Variants in SPIRE1 observed in about 807,000 individuals in gnomAD.
SPIRE1 encodes the protein spire type actin nucleation factor 1, also known as protein spire homolog 1.
SPIRE1 carries 40 observed loss-of-function variants against 94.1 expected under a neutral mutation model. The ratio of observed to expected loss-of-function variants is 0.43; its 90% confidence interval spans 0.33 to 0.55. SPIRE1 has a LOEUF of 0.55. Ranked by LOEUF, SPIRE1 falls within the 20% of genes least tolerant of loss-of-function variation. The pLI, the probability that SPIRE1 is intolerant of heterozygous loss-of-function variation, is 0.06. For missense variants in SPIRE1, 838 were observed against 975.2 expected, an observed-to-expected ratio of 0.86 and a Z score of 1.87; for synonymous variants, 376 against 371.7, an observed-to-expected ratio of 1.01 and a Z score of -0.13.
Position 12,542,310 on chromosome 18 carries a change from T to C in SPIRE1, c.603+4364A>G, listed in dbSNP as rs541069285. On this transcript the variant is annotated intron_variant, in intron 3 of 16. Transcript: ENST00000409402. The stretch of plus-strand genomic sequence containing the variant: ...TTTACATTCTTTTTTTGGTACTAAG[T>C]GTTTGGAATCCAGTATAGATTTTGT... 1.1e-4 allele frequency among the ~76,000 whole-genome samples: 16 copies of C among 152,298 alleles called. No individual in the cohort carries two copies. In the East Asian group the frequency reaches 2.5e-3, roughly 24 times the overall value.
chr18:12,591,126 GCAGTTTTAAATAGCA>G (rs1209320366), intron 2 of SPIRE1, among the ~76,000 whole-genome samples: 1 of 152,176 alleles, frequency 6.6e-6, no homozygotes, highest in Non-Finnish European at 1.5e-5. Context: ...GTAGTAGTTT[GCAGTTTTAAATAGCA>G]CAGTTAGTTT....
At position 12,555,940 on chromosome 18, in the gene SPIRE1, G is replaced by A. The variant is rs576779358; in HGVS notation, c.373-9036C>T. On this transcript the variant is annotated intron_variant, in intron 2 of 16. Coordinates refer to ENST00000409402, the MANE Select transcript of SPIRE1 (RefSeq NM_001128626.2). ...AAAAACCTAAATCTGAACCCCTCCC[G>A]AAAATCTATTAGAATTGATAAATTC... Among the ~76,000 whole-genome samples the A allele has an allele frequency of 1.4e-4, 21 of 152,126 alleles. 1 individual carries two copies. Among genetic ancestry groups the A allele is most frequent in the South Asian group, 1.0e-3 (5 of 4,816 alleles).
intron 1 of SPIRE1, among the ~76,000 whole-genome samples, chr18:12,635,367 T>C (rs1311812199): frequency 6.6e-6 from 1 of 152,180 alleles, no homozygotes; most frequent in African/African-American, 2.4e-5. Flanking sequence ...TTAATACAGA[T>C]ATATAAATCA....
intron 2 of SPIRE1, among the ~76,000 whole-genome samples, chr18:12,621,119 A>G (rs1439109526): frequency 6.6e-6 from 1 of 152,180 alleles, no homozygotes; most frequent in African/African-American, 2.4e-5. Flanking sequence ...CAACAACCAC[A>G]TGAAAATAGG....
At position 12,507,123 on chromosome 18, in the gene SPIRE1, C is replaced by T. The variant is rs148216468; in HGVS notation, c.808-482G>A. Among the ~76,000 whole-genome samples, 295 of 152,212 alleles carry T rather than the reference C, an allele frequency of 1.9e-3. 1 individual carries two copies. The highest frequency in any genetic ancestry group is 6.8e-3 in the African/African-American group (283 of 41,512). ...TCAAGCCTGGGTTAGCCTGTGGTCC[C>T]GGGATAAAGATGAGATACCTGTAAA... On this transcript the variant is annotated intron_variant, in intron 5 of 16. Coordinates refer to ENST00000409402, the MANE Select transcript of SPIRE1 (RefSeq NM_001128626.2).
intron 2 of SPIRE1, among the ~76,000 whole-genome samples, chr18:12,602,398 T>A (rs1012594579): frequency 1.3e-5 from 2 of 152,162 alleles, no homozygotes; most frequent in African/African-American, 4.8e-5. Flanking sequence ...TAATTTTTAT[T>A]CTATCAATTC....
intron 2 of SPIRE1, among the ~76,000 whole-genome samples, chr18:12,575,358 T>G (rs2036067848): frequency 6.6e-6 from 1 of 152,144 alleles, no homozygotes; most frequent in African/African-American, 2.4e-5. Flanking sequence ...AATCTTCCCC[T>G]GAATATTTAT....
intron 1 of SPIRE1, among the ~76,000 whole-genome samples, chr18:12,638,504 T>C (rs1191727403): frequency 6.6e-6 from 1 of 152,146 alleles, no homozygotes. Context: ...AGGAGTCAAA[T>C]GAGTTGCACA....
Position 12,552,128 on chromosome 18 carries a change from C to T in SPIRE1, c.373-5224G>A, listed in dbSNP as rs141932104. Among the ~76,000 whole-genome samples the T allele has an allele frequency of 2.6e-3, 396 of 152,344 alleles. 2 individuals carry two copies. Among genetic ancestry groups the T allele is most frequent in the Middle Eastern group, 0.01 (3 of 294 alleles). ...GAGGAATCGCCTAAATGCCTATCCC[C>T]GTAGTGGGAACTTGAGTTCTGGCAA... On this transcript the variant is annotated intron_variant, in intron 2 of 16. Coordinates refer to ENST00000409402, the MANE Select transcript of SPIRE1 (RefSeq NM_001128626.2).
chr18:12,571,318 G>A (rs560268529), intron 2 of SPIRE1, among the ~76,000 whole-genome samples: 103 of 152,050 alleles, frequency 6.8e-4, no homozygotes, highest in Middle Eastern at 3.4e-3. Flanking sequence ...CAAGTGATCC[G>A]CCCACCTAAG....
rs549759215 is a variant in SPIRE1 at position 12,449,456 on chromosome 18, C to A, written c.*182G>T. On this transcript the variant is annotated 3_prime_UTR_variant, in exon 17 of 17. Coordinates refer to ENST00000409402, the MANE Select transcript of SPIRE1 (RefSeq NM_001128626.2). ...AAACGAGCAATTGGCGGACCTGTCA[C>A]GTTTCATCAATCGATACGAACACAG... 3 of 653,248 alleles carry A rather than the reference C, an allele frequency of 4.6e-6. No homozygotes were observed. The African/African-American group carries it at 5.5e-5, about 12-fold the overall frequency. The allele number at this position is 653,248 out of a possible 1,614,324, so 40.5% of individuals were successfully genotyped here. A position where few individuals can be genotyped will look rare whatever the true frequency, so the allele number is the denominator to read the frequency against.
intron 3 of SPIRE1, among the ~76,000 whole-genome samples, chr18:12,539,668 C>T (rs1405102874): frequency 6.6e-6 from 1 of 151,846 alleles, no homozygotes; most frequent in Middle Eastern, 3.2e-3. Flanking sequence ...GTGGCTCACA[C>T]CTGTAATCTC....
intron 2 of SPIRE1, among the ~76,000 whole-genome samples, chr18:12,555,901 GATCTT>G (rs1019707257): frequency 1.3e-5 from 2 of 152,154 alleles, no homozygotes; most frequent in Non-Finnish European, 2.9e-5. Context: ...CAGATGGTAT[GATCTT>G]ATATTTGGAA....
Position 12,579,185 on chromosome 18 carries a change from TTACACACACACACA to T in SPIRE1, c.373-32295_373-32282del, listed in dbSNP as rs754619121. The stretch of plus-strand genomic sequence containing the variant: ...GAATTTTCCACTGAGAGGAAAAAGT[TTACACACACACACA>T]TACACACACACACACACACACACAC... On this transcript the variant is annotated intron_variant, in intron 2 of 16. Transcript: ENST00000409402. 8.4e-3 allele frequency among the ~76,000 whole-genome samples: 885 copies of T among 105,716 alleles called. 5 individuals carry two copies. Among genetic ancestry groups the T allele is most frequent in the South Asian group, 0.025 (69 of 2,814 alleles). 69.4% of individuals were successfully genotyped at this position (105,716 alleles called of 152,430 possible).
At chr18:12,611,940 C>T (rs2037154125) in intron 2 of SPIRE1, among the ~76,000 whole-genome samples, 1 of 152,050 alleles carries the variant, frequency 6.6e-6, no homozygotes, top group Non-Finnish European at 1.5e-5. Context: ...TCCCAAAGTG[C>T]TGAGATTACA....
chr18:12,584,805 A>C (rs2036348018), intron 2 of SPIRE1, among the ~76,000 whole-genome samples: 1 of 151,882 alleles, frequency 6.6e-6, no homozygotes, highest in Admixed American at 6.6e-5. Context: ...TTTGAGAGGG[A>C]GTCTCGCCCT....
chr18:12,527,100 C>A (rs2034544930), intron 4 of SPIRE1, among the ~76,000 whole-genome samples: 1 of 152,146 alleles, frequency 6.6e-6, no homozygotes, highest in Admixed American at 6.5e-5. Context: ...ATTCACTAGG[C>A]TTTGTGATGT....
intron 2 of SPIRE1, among the ~76,000 whole-genome samples, chr18:12,633,110 C>T (rs1158972728): frequency 1.1e-4 from 17 of 152,142 alleles, no homozygotes; most frequent in Admixed American, 1.1e-3. Flanking sequence ...AGAAAAATTA[C>T]TTACTCAAAA....
chr18:12,460,388 T>C (rs1375610048), intron 12 of SPIRE1, among the ~76,000 whole-genome samples: 1 of 151,968 alleles, frequency 6.6e-6, no homozygotes, highest in East Asian at 1.9e-4. Context: ...ATTTTAAACA[T>C]CACAAGAAAA....
Sources: allele counts gnomAD v4.1 joint callset (sites outside exome capture counted in the v4.1 genomes callset), GRCh38; gene constraint gnomAD v4.1.1; transcripts MANE v1.5; gene names NCBI Gene and HGNC (gene_info 2026-07-23, HGNC 2026-07-21).